The following GNAZ variants were observed in gnomAD, a reference collection of about 807,000 sequenced individuals.
GNAZ encodes G protein subunit alpha z.
GNAZ carries 3 observed loss-of-function variants against 25.4 expected under a neutral mutation model. The ratio of observed to expected loss-of-function variants is 0.12; its 90% CI spans 0.05 to 0.30. The LOEUF is 0.30. Among genes scored for constraint, GNAZ ranks in the 10% least tolerant of loss-of-function variants. GNAZ has a pLI of 1.00. For missense variants in GNAZ, 241 were observed against 501.8 expected (o/e 0.48, Z 4.97); for synonymous variants, 211 against 205.7 (o/e 1.03, Z -0.22).
intron 1 of GNAZ, among the ~76,000 whole-genome samples, chr22:23,079,659 A>AT (rs2068618408): frequency 6.6e-6 from 1 of 152,206 alleles, no homozygotes; most frequent in African/African-American, 2.4e-5. Flanking sequence ...CACAGGGCAC[A>AT]GGGGGCTGGA....
chr22:23,111,767 C>T (rs1052321973), intron 2 of GNAZ, among the ~76,000 whole-genome samples: 9 of 152,214 alleles, frequency 5.9e-5, no homozygotes, highest in Non-Finnish European at 1.2e-4. Flanking sequence ...CGTGGGCAAG[C>T]GGCCAGGCTC....
intron 1 of GNAZ, among the ~76,000 whole-genome samples, 184 bp from the exon 2 acceptor site, chr22:23,095,063 A>T (rs2069084814): frequency 1.3e-5 from 2 of 152,314 alleles, no homozygotes; most frequent in East Asian, 3.9e-4. Flanking sequence ...CAGCAGACAT[A>T]TGTGTTACAC....
intron 1 of GNAZ, among the ~76,000 whole-genome samples, chr22:23,087,037 C>T (rs5751579): frequency 0.25 from 37,663 of 152,124 alleles, 4,851 homozygotes; most frequent in East Asian, 0.36. Context: ...CTTCCTCATT[C>T]GGCGAGGAGG....
chr22:23,111,129 A>T (rs947600043), intron 2 of GNAZ, among the ~76,000 whole-genome samples: 2 of 152,102 alleles, frequency 1.3e-5, no homozygotes, highest in Admixed American at 1.3e-4. Context: ...TGCCTCCTCC[A>T]CCTGCTCTCA....
intron 2 of GNAZ, among the ~76,000 whole-genome samples, chr22:23,117,565 G>A (rs571490560): frequency 5.9e-5 from 9 of 152,362 alleles, no homozygotes; most frequent in East Asian, 3.9e-4. Context: ...CCTCGCAGGT[G>A]AGAGGACGTC....
chr22:23,090,424 G>A (rs1015534519), intron 1 of GNAZ, among the ~76,000 whole-genome samples: 2 of 152,122 alleles, frequency 1.3e-5, no homozygotes, highest in African/African-American at 4.8e-5. Context: ...CTGGATGTTT[G>A]CATCCAGGAG....
chr22:23,082,066 A>G (rs1045665607), intron 1 of GNAZ, among the ~76,000 whole-genome samples: 6 of 147,920 alleles, frequency 4.1e-5, no homozygotes, highest in Non-Finnish European at 9.0e-5. Context: ...CGGAGCTTGC[A>G]GTGAGCCGAG....
chr22:23,083,341 G>C (rs1989776), intron 1 of GNAZ, among the ~76,000 whole-genome samples: 59,390 of 151,902 alleles, frequency 0.39, 13,854 homozygotes, highest in African/African-American at 0.67. Context: ...GCTCCAGGAG[G>C]AGGCCATGGG....
chr22:23,084,584 G>A (rs1027438816), intron 1 of GNAZ, among the ~76,000 whole-genome samples: 3 of 152,226 alleles, frequency 2.0e-5, no homozygotes, highest in Non-Finnish European at 4.4e-5. Flanking sequence ...GAAGCAGCAT[G>A]GGGAAGCCTT....
chr22:23,123,507 C>A lies in GNAZ; in HGVS notation c.*76C>A. 2 of 913,622 alleles carry A rather than the reference C, an allele frequency of 2.2e-6. No homozygotes were observed. Among genetic ancestry groups the A allele is most frequent in the South Asian group, 1.6e-5 (1 of 63,376 alleles). The allele number at this position is 913,622 out of a possible 1,614,324, so 56.6% of individuals were successfully genotyped here. A position where few individuals can be genotyped will look rare whatever the true frequency, so the allele number is the denominator to read the frequency against. ...TGCCCCAACGCGTGCTAGAGAGGCC[C>A]AATCCAGGGGCAGAAAACAGGGGGC... is the stretch of plus-strand genomic sequence containing the variant. On this transcript the variant is annotated 3_prime_UTR_variant, in exon 3 of 3. Transcript: ENST00000615612.
chr22:23,091,752 C>T (rs2068987272), intron 1 of GNAZ, among the ~76,000 whole-genome samples: 1 of 152,240 alleles, frequency 6.6e-6, no homozygotes. Context: ...CATGCAGGTA[C>T]ACACATGGCT....
At chr22:23,073,371 T>C (rs985943567) in intron 1 of GNAZ, among the ~76,000 whole-genome samples, 2 of 152,246 alleles carry the variant, frequency 1.3e-5, no homozygotes, top group Non-Finnish European at 2.9e-5. Flanking sequence ...GCAGAGGCTA[T>C]GCTGCGGCCT....
At chr22:23,107,830 A>G (rs535849072) in intron 2 of GNAZ, among the ~76,000 whole-genome samples, 32 of 152,310 alleles carry the variant, frequency 2.1e-4, no homozygotes, top group Admixed American at 1.1e-3. Context: ...CTGCTTATCA[A>G]ATGCCTCTTC....
At chr22:23,105,403 A>G (rs932996817) in intron 2 of GNAZ, among the ~76,000 whole-genome samples, 23 of 152,188 alleles carry the variant, frequency 1.5e-4, no homozygotes, top group African/African-American at 5.1e-4. Context: ...CCCCACTGGG[A>G]TCTCTCCCCA....
rs1358499069 is a variant in GNAZ at position 23,123,248 on chromosome 22, C to T, written c.885C>T (p.Asn295=). The change falls in exon 3 of 3, where the codon AAC becomes AAT. Residue 295 remains asparagine, a synonymous_variant. Transcript: ENST00000615612. The part of the protein sequence containing the change: ...TICFPEYKGQ[N]TYEEAAVYIQ... ...GCTTTCCCGAGTACAAGGGCCAGAA[C>T]ACGTACGAGGAGGCCGCTGTCTACA... 5.6e-6 allele frequency: 9 copies of T among 1,614,210 alleles called. No individual in the cohort carries two copies. Among genetic ancestry groups the T allele is most frequent in the Non-Finnish European group, 6.8e-6 (8 of 1,180,038 alleles).
At chr22:23,121,600 C>T (rs1482867280) in intron 2 of GNAZ, among the ~76,000 whole-genome samples, 3 of 152,166 alleles carry the variant, frequency 2.0e-5, no homozygotes, top group East Asian at 1.9e-4. Context: ...TGGTTACCAG[C>T]GTCATTGTCA....
chr22:23,107,618 C>T lies in GNAZ; in HGVS notation c.723+11200C>T, dbSNP rs28521199. ...GGGGTGTAGGGAGCAGAAGCTGGGG[C>T]GGGAGCAGGGGTCCCAAGCACAGTG... On this transcript the variant is annotated intron_variant, in intron 2 of 2. Coordinates refer to ENST00000615612, the MANE Select transcript of GNAZ (RefSeq NM_002073.4). Among the ~76,000 whole-genome samples, 70 of 152,014 alleles carry T rather than the reference C, an allele frequency of 4.6e-4. 1 individual carries two copies. Among genetic ancestry groups the T allele is most frequent in the Admixed American group, 2.1e-3 (32 of 15,266 alleles).
At chr22:23,098,901 G>T (rs778665670) in intron 2 of GNAZ, among the ~76,000 whole-genome samples, 6 of 152,242 alleles carry the variant, frequency 3.9e-5, no homozygotes, top group Non-Finnish European at 7.3e-5. Context: ...GCTGGCACAG[G>T]GCTGCCACTC....
rs572004442 is a variant in GNAZ, at chr22:23,071,575, G to A, written c.-450+1005G>A. On this transcript the variant is annotated intron_variant, in intron 1 of 2. Transcript: ENST00000615612. The surrounding 1 kb of genome is among the most constrained non-coding windows in gnomAD (Gnocchi z 4.1). ...ATTCAATTAAGCAAATATTTATTGAGTGGTCACTCCCCCAGAGCTTGACGC... is the reference window on the plus strand; with the variant it reads ...ATTCAATTAAGCAAATATTTATTGAATGGTCACTCCCCCAGAGCTTGACGC... Among the ~76,000 whole-genome samples, 6 of 152,350 alleles carry A rather than the reference G, an allele frequency of 3.9e-5. No individual in the cohort carries two copies. In the South Asian group the frequency reaches 1.0e-3, roughly 26 times the overall value.
Sources: gnomAD v4.1 joint callset for allele counts (sites outside exome capture counted in the v4.1 genomes callset) on GRCh38, gnomAD v4.1.1 for gene constraint, Gnocchi (gnomAD v3.1) non-coding constraint, MANE v1.5 for transcripts, NCBI Gene and HGNC (gene_info 2026-07-23, HGNC 2026-07-21) for gene names.